Variants in PDIA5 observed in about 807,000 individuals in gnomAD.
The protein encoded by PDIA5 is protein disulfide-isomerase A5.
Under a neutral mutation model 77.6 loss-of-function variants are expected in PDIA5, and 58 were observed. The observed-to-expected ratio is 0.75, with a 90% confidence interval of 0.61 to 0.93. The LOEUF (loss-of-function observed/expected upper bound fraction) is 0.93, where lower values mean the gene tolerates loss of function less well. Among genes scored for constraint, PDIA5 ranks in the 40% least tolerant of loss-of-function variants. The probability of loss-of-function intolerance (pLI) is 0.00; values close to 1 mark genes in which losing one functional copy is unlikely to be tolerated. For synonymous variants in PDIA5, 250 were observed against 252.1 expected, an observed-to-expected ratio of 0.99 and a Z score of 0.08; for missense variants, 630 against 647.7, an observed-to-expected ratio of 0.97 and a Z score of 0.30.
intron 14 of PDIA5, among the ~76,000 whole-genome samples, chr3:123,152,353 A>T (rs1038257051): frequency 1.3e-5 from 2 of 152,058 alleles, no homozygotes; most frequent in Admixed American, 6.6e-5. Flanking sequence ...TCACTGAGTG[A>T]CTCAACCTCT....
chr3:123,105,525 G>C (rs1545325), intron 5 of PDIA5, among the ~76,000 whole-genome samples: 1 of 151,910 alleles, frequency 6.6e-6, no homozygotes, highest in East Asian at 1.9e-4. Context: ...TTGCCAGGAG[G>C]CGTTTCACAG....
At position 123,146,274 on chromosome 3, in the gene PDIA5, C is replaced by A; in HGVS notation, c.1142+15C>A. 6.2e-7 allele frequency: 1 copy of A among 1,608,720 alleles called. No individual in the cohort carries two copies. Among genetic ancestry groups the A allele is most frequent in the South Asian group, 1.1e-5 (1 of 90,432 alleles). ...TGGATGCAAAAGTAAGTGTTACGAT[C>A]TCAGTAGCACATCCTAACTGCCAGC... On this transcript the variant is annotated intron_variant, in intron 13 of 16. Transcript: ENST00000316218.
intron 15 of PDIA5, among the ~76,000 whole-genome samples, chr3:123,156,903 G>C (rs1215162448): frequency 6.6e-6 from 1 of 152,200 alleles, no homozygotes; most frequent in Non-Finnish European, 1.5e-5. Context: ...CATCAGTGCA[G>C]GTGAGGCCAG....
At position 123,067,128 on chromosome 3, in the gene PDIA5, G is replaced by A. The variant is rs146495921; in HGVS notation, c.-37G>A. 4.0e-6 allele frequency: 5 copies of A among 1,241,822 alleles called. No homozygotes were observed. Among genetic ancestry groups the A allele is most frequent in the Non-Finnish European group, 5.1e-6 (5 of 990,016 alleles). The allele number at this position is 1,241,822 out of a possible 1,614,324, so 76.9% of individuals were successfully genotyped here. ...CGGGCGGGCGGGAGCGGGCGCCGGA[G>A]TGGAGAAAGGAGCCAGCGGTGGGCA... is the stretch of plus-strand genomic sequence containing the variant. On this transcript the variant is annotated 5_prime_UTR_variant, in exon 1 of 17. The change creates a new upstream start codon in the 5' untranslated region. Transcript: ENST00000316218.
At chr3:123,092,192 C>T (rs930262369) in intron 2 of PDIA5, among the ~76,000 whole-genome samples, 163 bp from the exon 3 acceptor site, 19 of 152,098 alleles carry the variant, frequency 1.2e-4, no homozygotes, top group African/African-American at 4.3e-4. Context: ...CAGCACAGGC[C>T]CTGGCACTGT....
intron 1 of PDIA5, among the ~76,000 whole-genome samples, chr3:123,080,496 ATTC>A (rs1396584888): frequency 1.3e-5 from 2 of 152,204 alleles, no homozygotes; most frequent in African/African-American, 4.8e-5. Context: ...TCCCGGGCTA[ATTC>A]TTCTTTCATT....
rs190472632 is a variant in PDIA5 at position 123,140,510 on chromosome 3, G to A, written c.911-5012G>A. The stretch of plus-strand genomic sequence containing the variant: ...TAATTAGAAGAGAGACAGATCATTC[G>A]ATGGGGCTACAGTGAACTGGGAAGA... On this transcript the variant is annotated intron_variant, in intron 11 of 16. Coordinates refer to ENST00000316218, the MANE Select transcript of PDIA5 (RefSeq NM_006810.4). Among the ~76,000 whole-genome samples the A allele has an allele frequency of 4.1e-3, 617 of 152,286 alleles. 1 individual carries two copies. The highest frequency in any genetic ancestry group is 6.9e-3 in the Non-Finnish European group (469 of 68,022).
At chr3:123,142,992 G>A (rs573443573) in intron 11 of PDIA5, among the ~76,000 whole-genome samples, 1 of 152,216 alleles carries the variant, frequency 6.6e-6, no homozygotes, top group African/African-American at 2.4e-5. Context: ...TCTCTTCATT[G>A]CTGACCAGTA....
Position 123,123,955 on chromosome 3 carries a change from G to A in PDIA5, c.610-111G>A, listed in dbSNP as rs1935178489. ...GCCCTGATGCACATCAGTCTGTGGG[G>A]CTTTGTCCCATATGTCTTTCTGGTG... On this transcript the variant is annotated intron_variant, in intron 8 of 16. Transcript: ENST00000316218. The A allele has an allele frequency of 1.9e-5, 14 of 735,484 alleles. No homozygotes were observed. In the South Asian group the frequency reaches 2.2e-4, roughly 11 times the overall value. The allele number at this position is 735,484 out of a possible 1,614,324, so 45.6% of individuals were successfully genotyped here.
At chr3:123,135,319 T>C (rs1331456567) in intron 11 of PDIA5, among the ~76,000 whole-genome samples, 1 of 152,186 alleles carries the variant, frequency 6.6e-6, no homozygotes, top group Non-Finnish European at 1.5e-5. Flanking sequence ...GGGGTGTTCC[T>C]GAGCAGCTCG....
At chr3:123,114,869 A>G (rs950322944) in intron 7 of PDIA5, among the ~76,000 whole-genome samples, 2 of 152,154 alleles carry the variant, frequency 1.3e-5, no homozygotes, top group Admixed American at 1.3e-4. Context: ...ACTTAAGCCC[A>G]GGGTTCGCGT....
intron 12 of PDIA5, 71 bp from the exon 13 acceptor site, chr3:123,146,028 T>A (rs1048219891): frequency 1.4e-6 from 2 of 1,460,602 alleles, no homozygotes; most frequent in Non-Finnish European, 1.9e-6. Context: ...GGGGGCAGCG[T>A]CTGGGCTCCT....
intron 3 of PDIA5, among the ~76,000 whole-genome samples, chr3:123,099,245 G>T (rs1934521325): frequency 6.6e-6 from 1 of 152,244 alleles, no homozygotes; most frequent in Non-Finnish European, 1.5e-5. Flanking sequence ...CATCCCAGCA[G>T]CGGTAAGACA....
chr3:123,110,580 C>T (rs755019657), intron 6 of PDIA5, among the ~76,000 whole-genome samples: 3 of 152,190 alleles, frequency 2.0e-5, no homozygotes, highest in Admixed American at 6.5e-5. Flanking sequence ...GGACAAAAAC[C>T]GCTCTTTGCC....
At position 123,124,175 on chromosome 3, in the gene PDIA5, C is replaced by A; in HGVS notation, c.701+18C>A. On this transcript the variant is annotated intron_variant, in intron 9 of 16. Coordinates refer to ENST00000316218, the MANE Select transcript of PDIA5 (RefSeq NM_006810.4). Reference sequence around the variant, plus strand: ...TATTTTGAGTACGTCCCCCACTTTCCTTCTAAAGCTCACCTCCCTCCCTGG... The same window carrying A: ...TATTTTGAGTACGTCCCCCACTTTCATTCTAAAGCTCACCTCCCTCCCTGG... 1 of 1,604,552 alleles carries A rather than the reference C, an allele frequency of 6.2e-7. No homozygotes were observed. The highest frequency in any genetic ancestry group is 8.5e-7 in the Non-Finnish European group (1 of 1,171,174).
chr3:123,124,657 T>C (rs75629422), intron 10 of PDIA5, among the ~76,000 whole-genome samples: 1,899 of 152,314 alleles, frequency 0.012, 39 homozygotes, highest in African/African-American at 0.043. Flanking sequence ...TGCCTAAGCC[T>C]GTCAGCTCTT....
At chr3:123,155,477 G>A (rs1048909557) in intron 15 of PDIA5, among the ~76,000 whole-genome samples, 1 of 152,208 alleles carries the variant, frequency 6.6e-6, no homozygotes, top group Non-Finnish European at 1.5e-5. Flanking sequence ...TGCAGCTGCC[G>A]ACTGATGAAG....
At chr3:123,075,840 G>T (rs1490281271) in intron 1 of PDIA5, among the ~76,000 whole-genome samples, 1 of 136,264 alleles carries the variant, frequency 7.3e-6, no homozygotes, top group Non-Finnish European at 1.7e-5. Context: ...GAGCTCTGCG[G>T]TAAAGCTACA....
intron 1 of PDIA5, among the ~76,000 whole-genome samples, chr3:123,078,785 C>T (rs922655663): frequency 2.0e-5 from 3 of 152,146 alleles, no homozygotes; most frequent in Non-Finnish European, 2.9e-5. Flanking sequence ...CTTTTGTGAC[C>T]TTGACATTTT....
Sources: allele counts gnomAD v4.1 joint callset (sites outside exome capture counted in the v4.1 genomes callset), GRCh38; gene constraint gnomAD v4.1.1; transcripts MANE v1.5; gene names NCBI Gene and HGNC (gene_info 2026-07-23, HGNC 2026-07-21).